MACF1: variants seen among roughly 807,000 people sequenced by gnomAD.
The protein encoded by MACF1 is microtubule actin crosslinking factor 1.
MACF1 carries 193 observed loss-of-function variants against 854.8 expected under a neutral mutation model. That is an observed-to-expected ratio of 0.23 (90% confidence interval 0.20 to 0.25). The LOEUF is 0.25. Ranked by LOEUF, MACF1 falls within the 10% of genes least tolerant of loss-of-function variation. The pLI is 1.00. For missense variants in MACF1, 7,722 were observed against 8,929.1 expected (o/e 0.86, Z 5.45); for synonymous variants, 3,185 against 3,226.7 (o/e 0.99, Z 0.44).
chr1:39,343,260 G>A (rs1014746103), intron 40 of MACF1, among the ~76,000 whole-genome samples: 1 of 152,100 alleles, frequency 6.6e-6, no homozygotes, highest in Non-Finnish European at 1.5e-5. Flanking sequence ...ATGTCAGAAC[G>A]GAACTAGAAA....
intron 20 of MACF1, among the ~76,000 whole-genome samples, chr1:39,296,839 G>A (rs1180636818): frequency 8.6e-5 from 11 of 128,628 alleles, no homozygotes; most frequent in Middle Eastern, 4.2e-3. Context: ...AGGAAGGAAG[G>A]AAGGAAAAGA....
At chr1:39,259,396 G>A (rs554047197) in intron 6 of MACF1, among the ~76,000 whole-genome samples, 5 of 152,090 alleles carry the variant, frequency 3.3e-5, no homozygotes, top group South Asian at 4.2e-4. Flanking sequence ...CAAGTAGCTG[G>A]GATTACAGGC....
chr1:39,393,557 A>G (rs1642141293), intron 58 of MACF1, among the ~76,000 whole-genome samples: 1 of 152,076 alleles, frequency 6.6e-6, no homozygotes, highest in Admixed American at 6.6e-5. Context: ...ACCTATAATC[A>G]TAGCATTCTG....
At chr1:39,102,743 CCTT>C (rs1329228275) in intron 2 of MACF1, 9 of 702,216 alleles carry the variant, frequency 1.3e-5, no homozygotes, top group Non-Finnish European at 2.1e-5. Flanking sequence ...CCCATTGCAG[CCTT>C]CTTAGAAATG....
chr1:39,268,415 A>T, intron 6 of MACF1: 3 of 1,029,534 alleles, frequency 2.9e-6, no homozygotes, highest in Non-Finnish European at 3.5e-6. Context: ...GCTGCAGCCA[A>T]TCCGGTTTCT....
intron 71 of MACF1, among the ~76,000 whole-genome samples, chr1:39,438,720 G>A (rs1287016630): frequency 6.6e-6 from 1 of 152,102 alleles, no homozygotes; most frequent in African/African-American, 2.4e-5. Flanking sequence ...AGAGGTTGCA[G>A]TGAGCCAAGA....
At chr1:39,463,559 A>G (rs1482573148) in intron 93 of MACF1, 53 bp from the exon 94 acceptor site, 1 of 1,261,672 alleles carries the variant, frequency 7.9e-7, no homozygotes. Context: ...GTTTCTCTGA[A>G]TAGGAAGTTT....
In MACF1 at chr1:39,283,174, G is replaced by T. The variant is rs1352976299; in HGVS notation, c.696-15G>T. On this transcript the variant is annotated splice_polypyrimidine_tract_variant and intron_variant, in intron 7 of 100. Transcript: ENST00000564288. This position sits in a 1 kb window ranked among gnomAD's most constrained non-coding sequence, Gnocchi z 4.5. ...TAGATGGTGGCGTTTCATGTGCCTT[G>T]CTGGACTTTTACAGACCCGATCTAG... 2 of 1,526,342 alleles carry T rather than the reference G, an allele frequency of 1.3e-6. No individual in the cohort carries two copies. Among genetic ancestry groups the T allele is most frequent in the African/African-American group, 2.8e-5 (2 of 71,854 alleles). The allele number at this position is 1,526,342 out of a possible 1,614,324, so 94.5% of individuals were successfully genotyped here.
Position 39,325,357 on chromosome 1 carries a change from G to A in MACF1, c.4478+623G>A, listed in dbSNP as rs1449121553. On this transcript the variant is annotated intron_variant, in intron 35 of 100. Coordinates refer to ENST00000564288, the MANE Select transcript of MACF1 (RefSeq NM_001394062.1). ...TACATTTGGCAAGTTAGAAGTCTTT[G>A]GTGCCTCTGGTGACAAGTTGTGGGA... 2.6e-5 allele frequency among the ~76,000 whole-genome samples: 4 copies of A among 152,206 alleles called. No homozygotes were observed. In the East Asian group the frequency reaches 7.7e-4, roughly 29 times the overall value.
chr1:39,215,026 C>T (rs980658969), intron 1 of MACF1, among the ~76,000 whole-genome samples: 1 of 152,210 alleles, frequency 6.6e-6, no homozygotes, highest in African/African-American at 2.4e-5. Context: ...TCACTTCATA[C>T]CTTGACTGGA....
In MACF1 at chr1:39,314,565, T is replaced by TCACA. The variant is rs1387509578; in HGVS notation, c.3271-947_3271-946insACAC. Among the ~76,000 whole-genome samples, 276 of 51,736 alleles carry TCACA rather than the reference T, an allele frequency of 5.3e-3. 1 individual carries two copies. Among genetic ancestry groups the TCACA allele is most frequent in the East Asian group, 0.013 (17 of 1,348 alleles). 33.9% of individuals were successfully genotyped at this position (51,736 alleles called of 152,430 possible). On this transcript the variant is annotated intron_variant, in intron 26 of 100. Transcript: ENST00000564288. Reference sequence around the variant, plus strand: ...ATTTCTCTTTCTCTCTCTCTCTCTCTCTCTCACACACACACACACACACAC... The same window carrying TCACA: ...ATTTCTCTTTCTCTCTCTCTCTCTCTCACACTCTCACACACACACACACACACAC...
Position 39,385,153 on chromosome 1 carries a change from G to A in MACF1, c.13849-281G>A, listed in dbSNP as rs1186599199. 2.0e-5 allele frequency among the ~76,000 whole-genome samples: 3 copies of A among 151,990 alleles called. No individual in the cohort carries two copies. In the East Asian group the frequency reaches 5.8e-4, roughly 29 times the overall value. On this transcript the variant is annotated intron_variant, in intron 56 of 100. Transcript: ENST00000564288. Reference sequence around the variant, plus strand: ...TGCTGCCTCAGCTCACTGCAACCTCGGCCTCCTGGGTTCAAGCAATTCTCG... The same window carrying A: ...TGCTGCCTCAGCTCACTGCAACCTCAGCCTCCTGGGTTCAAGCAATTCTCG...
chr1:39,411,689 T>G (rs747818338), intron 58 of MACF1: 27 of 1,613,802 alleles, frequency 1.7e-5, no homozygotes, highest in Non-Finnish European at 2.3e-5. Context: ...AAGGAGTGTT[T>G]ATGTGAAGAA....
At chr1:39,250,993 A>G (rs1645034596) in intron 3 of MACF1, among the ~76,000 whole-genome samples, 1 of 152,230 alleles carries the variant, frequency 6.6e-6, no homozygotes, top group Non-Finnish European at 1.5e-5. Context: ...ATAGAGAACC[A>G]AAGAGATGTA....
At chr1:39,104,470 A>G (rs1413923644) in intron 2 of MACF1, among the ~76,000 whole-genome samples, 4 of 152,138 alleles carry the variant, frequency 2.6e-5, no homozygotes, top group African/African-American at 9.7e-5. Flanking sequence ...TATGCTCCAG[A>G]GTCCTTTCTT....
intron 70 of MACF1, chr1:39,436,075 G>T: frequency 2.5e-6 from 1 of 406,446 alleles, no homozygotes. Flanking sequence ...CAAAAGCAGT[G>T]ACTGCCTCAA....
chr1:39,429,425 A>G (rs1356341553), intron 64 of MACF1, 99 bp downstream of exon 64: 6 of 711,370 alleles, frequency 8.4e-6, no homozygotes, highest in Admixed American at 2.5e-5. Flanking sequence ...CTTTATGTAT[A>G]TATGAGAAGC....
chr1:39,359,420 A>T (rs1306040090), intron 47 of MACF1, among the ~76,000 whole-genome samples, 156 bp downstream of exon 47: 1 of 152,196 alleles, frequency 6.6e-6, no homozygotes, highest in Non-Finnish European at 1.5e-5. Flanking sequence ...CAAAGAGCTT[A>T]TCCTCTAATG....
At chr1:39,353,560 C>T (rs1647276133) in intron 44 of MACF1, among the ~76,000 whole-genome samples, 1 of 152,116 alleles carries the variant, frequency 6.6e-6, no homozygotes, top group Non-Finnish European at 1.5e-5. Context: ...CTGTAATTGC[C>T]ATTTGCACTA....
Sources: allele counts gnomAD v4.1 joint callset (sites outside exome capture counted in the v4.1 genomes callset), GRCh38; gene constraint gnomAD v4.1.1; non-coding constraint Gnocchi (gnomAD v3.1); transcripts MANE v1.5; gene names NCBI Gene and HGNC (gene_info 2026-07-23, HGNC 2026-07-21).